Variants in MILR1 observed in about 807,000 individuals in gnomAD.
The protein encoded by MILR1 is allergin-1.
MILR1 carries 31 observed loss-of-function variants against 18.5 expected under a neutral mutation model. That is an observed-to-expected ratio of 1.68 (90% CI 1.26 to 2.26). The LOEUF (loss-of-function observed/expected upper bound fraction) is 2.26. Ranked by LOEUF, MILR1 falls within the 30% of genes most tolerant of loss-of-function variation. MILR1 has a pLI of 0.00. For synonymous variants in MILR1, 85 were observed against 56.2 expected (o/e 1.51, Z -2.30); for missense variants, 257 against 157.4 (o/e 1.63, Z -3.38).
In MILR1 at chr17:64,452,858, C is replaced by T. The variant is rs962352285; in HGVS notation, c.359C>T (p.Thr120Met). Reference sequence around the variant, plus strand: ...AAATACAGTCGTGACTTCAGCTTCACGATTGTCGGTAAGTAGAGTGCCTGT... The same window carrying T: ...AAATACAGTCGTGACTTCAGCTTCATGATTGTCGGTAAGTAGAGTGCCTGT... ...CSKYSRDFSFTIVDPVTSPVL... is the reference protein window; with the variant it reads ...CSKYSRDFSFMIVDPVTSPVL... The change falls in exon 3 of 10, where the codon ACG becomes ATG. Residue 120 changes from threonine (T) to methionine (M), a missense_variant. Physicochemically the swap from Thr to Met is moderately conservative, Grantham distance 81. Coordinates refer to ENST00000619286, the MANE Select transcript of MILR1 (RefSeq NM_001085423.2). The T allele has an allele frequency of 4.0e-5, 19 of 475,062 alleles. No individual in the cohort carries two copies. The highest frequency in any genetic ancestry group is 7.0e-5 in the Non-Finnish European group (18 of 258,966). 29.4% of individuals were successfully genotyped at this position (475,062 alleles called of 1,614,324 possible). A position where few individuals can be genotyped will look rare whatever the true frequency, so the allele number is the denominator to read the frequency against.
At chr17:64,496,972 T>G in the MILR1 span, 1 of 1,603,120 alleles carries the variant, frequency 6.2e-7, no homozygotes, top group East Asian at 2.2e-5. Flanking sequence ...AGCGCATCTC[T>G]CTCCGAAGTT....
downstream of MILR1, among the ~76,000 whole-genome samples, chr17:64,472,880 C>T (rs2037711317): frequency 6.6e-6 from 1 of 152,080 alleles, no homozygotes; most frequent in Non-Finnish European, 1.5e-5. Context: ...TGAGCTTTTA[C>T]AAATCATTAA....
At chr17:64,494,907 C>A in the MILR1 span, among the ~76,000 whole-genome samples, 1 of 152,220 alleles carries the variant, frequency 6.6e-6, no homozygotes. Flanking sequence ...GGCGCAGTGG[C>A]TCACGCCTGT....
At chr17:64,496,901 C>T in the MILR1 span, 4 of 1,613,000 alleles carry the variant, frequency 2.5e-6, no homozygotes, top group East Asian at 2.2e-5. Context: ...ATCTACTCGA[C>T]CCCCAAACCC....
Position 64,468,629 on chromosome 17 carries a change from T to C in MILR1, c.*348T>C, listed in dbSNP as rs782701890. On this transcript the variant is annotated 3_prime_UTR_variant, in exon 10 of 10. Transcript: ENST00000619286. ...AAATAAAGGGTCTCCAAGAATAAAT[T>C]CATCCGAACATGCATCCTTCTCTGA... The C allele has an allele frequency of 1.6e-4, 181 of 1,132,362 alleles. No homozygotes were observed. The highest frequency in any genetic ancestry group is 1.7e-4 in the Non-Finnish European group (158 of 916,606). 70.1% of individuals were successfully genotyped at this position (1,132,362 alleles called of 1,614,324 possible).
chr17:64,478,999 A>G, the MILR1 span, among the ~76,000 whole-genome samples: 1 of 152,190 alleles, frequency 6.6e-6, no homozygotes. Context: ...TCCTGGGACA[A>G]TAAAACCTTT....
the MILR1 span, chr17:64,496,663 C>T: frequency 5.6e-6 from 9 of 1,613,992 alleles, no homozygotes; most frequent in East Asian, 4.5e-5. Context: ...ACTCTACGCC[C>T]AAGGGTCCGA....
At chr17:64,472,858 T>A (rs1446643464), downstream of MILR1, among the ~76,000 whole-genome samples, 1 of 152,164 alleles carries the variant, frequency 6.6e-6, no homozygotes, top group Non-Finnish European at 1.5e-5. Flanking sequence ...TGTATGAAGT[T>A]TCATAATATT....
At chr17:64,489,782 T>C in the MILR1 span, among the ~76,000 whole-genome samples, 1 of 148,046 alleles carries the variant, frequency 6.8e-6, no homozygotes, top group South Asian at 2.1e-4. Context: ...AAAATCACCA[T>C]TTGGCAAACC....
At chr17:64,482,251 A>C in the MILR1 span, among the ~76,000 whole-genome samples, 1 of 151,428 alleles carries the variant, frequency 6.6e-6, no homozygotes, top group Non-Finnish European at 1.5e-5. Flanking sequence ...TTACAGGCAC[A>C]TACCATTATG....
the MILR1 span, among the ~76,000 whole-genome samples, chr17:64,494,875 A>G: frequency 1.3e-5 from 2 of 152,202 alleles, no homozygotes; most frequent in African/African-American, 4.8e-5. Flanking sequence ...GGTTCATCTT[A>G]GAAACCAAGA....
chr17:64,481,293 GCTCA>G, the MILR1 span: 8 of 985,218 alleles, frequency 8.1e-6, no homozygotes, highest in African/African-American at 8.7e-5. Flanking sequence ...CCTTCTTTGA[GCTCA>G]CTATCTCCCA....
chr17:64,485,653 G>T, the MILR1 span: 2 of 1,146,214 alleles, frequency 1.7e-6, no homozygotes, highest in South Asian at 1.2e-5. Context: ...GTTAGAAACC[G>T]AGCACACTAA....
chr17:64,496,491 T>G, the MILR1 span: 3 of 1,612,802 alleles, frequency 1.9e-6, no homozygotes, highest in Admixed American at 3.3e-5. Flanking sequence ...CTCAGCTCTT[T>G]GTCTTGCAAG....
At chr17:64,449,946 C>CTTTCTTTCTTTCT (rs118198823) in intron 2 of MILR1, among the ~76,000 whole-genome samples, 7 of 144,972 alleles carry the variant, frequency 4.8e-5, no homozygotes, top group African/African-American at 1.8e-4. Context: ...TTCTTTCTTT[C>CTTTCTTTCTTTCT]TTTTTTTTTT....
At chr17:64,469,006 A>G (rs8064899), downstream of MILR1, among the ~76,000 whole-genome samples, 42,100 of 151,774 alleles carry the variant, frequency 0.28, 11,249 homozygotes, top group African/African-American at 0.7. Context: ...AGAATCGCTT[A>G]AATCTGGTAG....
chr17:64,467,732 G>C (rs1374360444), intron 9 of MILR1, 87 bp downstream of exon 9: 4 of 745,486 alleles, frequency 5.4e-6, no homozygotes, highest in Non-Finnish European at 8.9e-6. Flanking sequence ...TCAGGAGTTC[G>C]AGACCAGCCT....
the MILR1 span, chr17:64,491,669 C>A: frequency 7.8e-7 from 1 of 1,288,204 alleles, no homozygotes; most frequent in African/African-American, 1.5e-5. Context: ...ACAACAAGTA[C>A]ATCAACGTGA....
chr17:64,465,471 T>C lies in MILR1; in HGVS notation c.783T>C (p.Asn261=). The change falls in exon 6 of 10, where the codon AAT becomes AAC. Residue 261 remains asparagine (N), a synonymous_variant. Coordinates refer to ENST00000619286, the MANE Select transcript of MILR1 (RefSeq NM_001085423.2). Reference sequence around the variant, plus strand: ...ACGTAGGAAAAGCTATGAGAAATAATGTGCCCAGGGACCGTGGAGACACAG... The same window carrying C: ...ACGTAGGAAAAGCTATGAGAAATAACGTGCCCAGGGACCGTGGAGACACAG... ...KYKTRKAMRN[N]VPRDRGDTAM... 2 of 1,609,200 alleles carry C rather than the reference T, an allele frequency of 1.2e-6. No individual in the cohort carries two copies. Among genetic ancestry groups the C allele is most frequent in the African/African-American group, 1.3e-5 (1 of 74,992 alleles).
Sources: allele counts gnomAD v4.1 joint callset (sites outside exome capture counted in the v4.1 genomes callset), GRCh38; gene constraint gnomAD v4.1.1; transcripts MANE v1.5; gene names NCBI Gene and HGNC (gene_info 2026-07-23, HGNC 2026-07-21).